EXOC4: variants seen among roughly 807,000 people sequenced by gnomAD.
EXOC4 encodes the protein exocyst complex component 4, also known as SEC8-like 1.
In EXOC4, 71 loss-of-function variants were observed where a neutral mutation model predicts 107.2. The observed-to-expected ratio is 0.66, with a 90% CI of 0.55 to 0.81. EXOC4 has a LOEUF of 0.81. Ranked by LOEUF, EXOC4 falls within the 30% of genes least tolerant of loss-of-function variation. The pLI, the probability that EXOC4 is intolerant of heterozygous loss-of-function variation, is 0.00. For synonymous variants in EXOC4, 456 were observed against 441.2 expected (o/e 1.03, Z -0.42); for missense variants, 1,108 against 1,189.6 (o/e 0.93, Z 1.01).
At chr7:133,592,246 T>G (rs1324219786) in intron 9 of EXOC4, among the ~76,000 whole-genome samples, 1 of 152,078 alleles carries the variant, frequency 6.6e-6, no homozygotes, top group Non-Finnish European at 1.5e-5. Flanking sequence ...AAAAAATTTC[T>G]GTATAGATGG....
intron 11 of EXOC4, among the ~76,000 whole-genome samples, chr7:133,822,252 A>G (rs529947449): frequency 2.0e-5 from 3 of 152,334 alleles, no homozygotes; most frequent in Non-Finnish European, 4.4e-5. Context: ...TGCTTTATAT[A>G]TCTCCCAGAG....
At chr7:133,352,723 C>G (rs1212513389) in intron 5 of EXOC4, among the ~76,000 whole-genome samples, 1 of 151,808 alleles carries the variant, frequency 6.6e-6, no homozygotes, top group Non-Finnish European at 1.5e-5. Flanking sequence ...CCCTCATGTT[C>G]TACATTACTG....
intron 13 of EXOC4, among the ~76,000 whole-genome samples, chr7:133,929,018 C>T (rs534747855): frequency 6.6e-6 from 1 of 150,566 alleles, no homozygotes; most frequent in African/African-American, 2.4e-5. Context: ...CTGCAACCTC[C>T]GCCTCCCGGG....
chr7:133,273,542 G>A (rs1020321571), intron 1 of EXOC4, among the ~76,000 whole-genome samples: 5 of 151,990 alleles, frequency 3.3e-5, no homozygotes, highest in African/African-American at 7.2e-5. Flanking sequence ...CCCCCTACCC[G>A]TATTCATGAT....
chr7:133,278,899 A>G (rs1327844295), intron 2 of EXOC4, among the ~76,000 whole-genome samples: 2 of 152,060 alleles, frequency 1.3e-5, no homozygotes, highest in Admixed American at 6.5e-5. Flanking sequence ...TACATGTGCC[A>G]TGTTGGTGTG....
Position 133,374,801 on chromosome 7 carries a change from A to G in EXOC4, c.1008-27A>G, listed in dbSNP as rs906468539. 21 of 1,597,082 alleles carry G rather than the reference A, an allele frequency of 1.3e-5. No homozygotes were observed. In the Admixed American group the frequency reaches 1.7e-4, roughly 13 times the overall value. On this transcript the variant is annotated intron_variant, in intron 6 of 17. Transcript: ENST00000253861. ...TTTATCTGCGTGTACGTATGTGTAA[A>G]TGTTATTTATTTGTTTATGCCACTA...
intron 10 of EXOC4, among the ~76,000 whole-genome samples, chr7:133,781,922 T>C (rs2345951): frequency 0.99 from 150,296 of 152,312 alleles, 74,196 homozygotes; most frequent in Middle Eastern, 1. Flanking sequence ...CACAAAAAAG[T>C]TTTTATTGTG....
intron 12 of EXOC4, among the ~76,000 whole-genome samples, chr7:133,897,503 A>G (rs1263549073): frequency 2.0e-5 from 3 of 152,280 alleles, no homozygotes; most frequent in South Asian, 2.1e-4. Flanking sequence ...AAAAGCTACA[A>G]TGGAATAATA....
At chr7:134,034,065 C>T (rs779890665) in intron 17 of EXOC4, among the ~76,000 whole-genome samples, 48 of 145,518 alleles carry the variant, frequency 3.3e-4, no homozygotes, top group East Asian at 2.3e-4. Context: ...AATCAGAAAA[C>T]GTCGTGTCTA....
intron 9 of EXOC4, among the ~76,000 whole-genome samples, chr7:133,626,955 T>G (rs1167752147): frequency 2.0e-5 from 3 of 152,206 alleles, no homozygotes; most frequent in Admixed American, 1.3e-4. Flanking sequence ...AGTTTACATT[T>G]ATTAGGCTTT....
chr7:133,961,462 A>G (rs201166027), intron 14 of EXOC4, among the ~76,000 whole-genome samples: 2 of 128,342 alleles, frequency 1.6e-5, no homozygotes, highest in South Asian at 2.6e-4. Flanking sequence ...AATTTTTTTT[A>G]TTTTTAGTAA....
At chr7:133,740,033 T>C (rs1250704208) in intron 10 of EXOC4, among the ~76,000 whole-genome samples, 1 of 152,142 alleles carries the variant, frequency 6.6e-6, no homozygotes, top group Non-Finnish European at 1.5e-5. Flanking sequence ...AGAGGAAATT[T>C]CTTTGAAAAT....
chr7:133,746,217 T>C (rs1795674467), intron 10 of EXOC4, among the ~76,000 whole-genome samples: 1 of 152,184 alleles, frequency 6.6e-6, no homozygotes, highest in East Asian at 1.9e-4. Flanking sequence ...TTAATCAGTC[T>C]GAGAAAATCC....
chr7:133,382,899 T>A (rs1022229752), intron 7 of EXOC4, among the ~76,000 whole-genome samples: 2 of 152,154 alleles, frequency 1.3e-5, no homozygotes, highest in Non-Finnish European at 2.9e-5. Flanking sequence ...TGTCTCAGCG[T>A]GTTTTTGTCT....
chr7:134,004,006 A>G (rs1169887628), intron 15 of EXOC4, among the ~76,000 whole-genome samples: 1 of 152,076 alleles, frequency 6.6e-6, no homozygotes, highest in Non-Finnish European at 1.5e-5. Context: ...AGACTCAAGC[A>G]TCACCTTCTG....
intron 15 of EXOC4, among the ~76,000 whole-genome samples, chr7:134,004,171 G>A (rs1184962620): frequency 1.3e-5 from 2 of 151,986 alleles, no homozygotes; most frequent in African/African-American, 2.4e-5. Flanking sequence ...TATTTCCAGG[G>A]CCTAGCACAA....
chr7:134,073,205 C>CAAAAAAAAAAAAAAAAAA, the EXOC4 span, among the ~76,000 whole-genome samples: 2 of 22,598 alleles, frequency 8.9e-5, no homozygotes, highest in Admixed American at 1.0e-3. Flanking sequence ...GACTTCCTCT[C>CAAAAAAAAAAAAAAAAAA]AAAAAAAAAA....
chr7:133,395,476 A>G (rs984229737), intron 7 of EXOC4, among the ~76,000 whole-genome samples: 1 of 152,130 alleles, frequency 6.6e-6, no homozygotes, highest in South Asian at 2.1e-4. Flanking sequence ...TTTTATATCT[A>G]CTGTATCTCC....
intron 7 of EXOC4, among the ~76,000 whole-genome samples, chr7:133,379,508 CA>C (rs1796565975): frequency 1.3e-5 from 2 of 151,984 alleles, no homozygotes; most frequent in Non-Finnish European, 2.9e-5. Flanking sequence ...ATACATCAGA[CA>C]TTTTTAGAAT....
Sources: allele counts gnomAD v4.1 joint callset (sites outside exome capture counted in the v4.1 genomes callset), GRCh38; gene constraint gnomAD v4.1.1; transcripts MANE v1.5; gene names NCBI Gene and HGNC (gene_info 2026-07-23, HGNC 2026-07-21).